PDE1C: variants seen among roughly 807,000 people sequenced by gnomAD.
The protein encoded by PDE1C is phosphodiesterase 1C.
In PDE1C, 62 loss-of-function variants were observed where a neutral mutation model predicts 93.1. The observed-to-expected ratio is 0.67, with a 90% CI of 0.54 to 0.82. PDE1C has a LOEUF of 0.82. PDE1C is among the 40% of genes least tolerant of loss of function. The pLI, the probability that PDE1C is intolerant of heterozygous loss-of-function variation, is 0.00. For missense variants in PDE1C, 742 were observed against 884.6 expected (o/e 0.84, Z 2.04); for synonymous variants, 325 against 310.1 (o/e 1.05, Z -0.50).
At chr7:32,054,881 G>C (rs1190610918) in intron 1 of PDE1C, among the ~76,000 whole-genome samples, 1 of 152,130 alleles carries the variant, frequency 6.6e-6, no homozygotes, top group Admixed American at 6.6e-5. Context: ...AGATTATTTT[G>C]AATGGGCAAG....
intron 1 of PDE1C, among the ~76,000 whole-genome samples, chr7:32,418,610 T>A (rs935932415): frequency 6.6e-6 from 1 of 152,202 alleles, no homozygotes; most frequent in African/African-American, 2.4e-5. Context: ...AGATTAAGAT[T>A]CACTTTTTCC....
chr7:31,877,030 T>G (rs1796686786), intron 5 of PDE1C, among the ~76,000 whole-genome samples: 1 of 152,158 alleles, frequency 6.6e-6, no homozygotes, highest in Non-Finnish European at 1.5e-5. Flanking sequence ...AATAGGTAAT[T>G]TAGCTTCTGA....
At chr7:31,893,362 G>T in intron 2 of PDE1C, 1 of 343,224 alleles carries the variant, frequency 2.9e-6, no homozygotes, top group Non-Finnish European at 4.1e-6. Context: ...GTAATTCATT[G>T]TCGTTTGTGG....
intron 1 of PDE1C, chr7:32,298,510 C>A (rs1002962781): frequency 9.6e-7 from 1 of 1,041,624 alleles, no homozygotes; most frequent in African/African-American, 1.6e-5. Context: ...TCGCCGCTCC[C>A]GGGGGCTCCC....
chr7:32,227,300 C>A (rs1399259155), intron 1 of PDE1C, among the ~76,000 whole-genome samples: 1 of 152,224 alleles, frequency 6.6e-6, no homozygotes, highest in African/African-American at 2.4e-5. Flanking sequence ...GAGAAGGGAA[C>A]ATCCTCAGGG....
At chr7:32,358,076 C>T (rs537039151) in intron 1 of PDE1C, among the ~76,000 whole-genome samples, 2 of 152,318 alleles carry the variant, frequency 1.3e-5, no homozygotes, top group African/African-American at 2.4e-5. Flanking sequence ...AGAAAGTGCC[C>T]GGCACTGCTC....
At chr7:32,233,392 T>C (rs1807844765) in intron 1 of PDE1C, among the ~76,000 whole-genome samples, 1 of 152,088 alleles carries the variant, frequency 6.6e-6, no homozygotes, top group African/African-American at 2.4e-5. Flanking sequence ...AGACAGAAAT[T>C]GTGAGACAGA....
chr7:31,890,442 A>C (rs1304194352), intron 2 of PDE1C, among the ~76,000 whole-genome samples: 1 of 152,212 alleles, frequency 6.6e-6, no homozygotes, highest in Non-Finnish European at 1.5e-5. Context: ...AGATTTAGGA[A>C]GGTTGCAACC....
chr7:31,663,552 A>G, the PDE1C span, among the ~76,000 whole-genome samples: 1 of 152,166 alleles, frequency 6.6e-6, no homozygotes, highest in South Asian at 2.1e-4. Flanking sequence ...ACTTTTTTCC[A>G]TAGTTGTTTT....
At chr7:32,385,577 A>G (rs2128091401) in intron 1 of PDE1C, among the ~76,000 whole-genome samples, 1 of 152,284 alleles carries the variant, frequency 6.6e-6, no homozygotes, top group African/African-American at 2.4e-5. Flanking sequence ...TAGGAAGCCC[A>G]TCCTGGGTTT....
intron 2 of PDE1C, among the ~76,000 whole-genome samples, chr7:32,199,406 C>T (rs780146380): frequency 6.6e-6 from 1 of 152,144 alleles, no homozygotes; most frequent in Non-Finnish European, 1.5e-5. Context: ...TCATTCTGAA[C>T]TCCTACTAAA....
chr7:31,887,197 T>C (rs1394913735), intron 2 of PDE1C, among the ~76,000 whole-genome samples: 1 of 152,128 alleles, frequency 6.6e-6, no homozygotes, highest in African/African-American at 2.4e-5. Flanking sequence ...GTGAGTTTAG[T>C]GGTAGTATGG....
chr7:31,706,587 G>T, the PDE1C span, among the ~76,000 whole-genome samples: 772 of 152,268 alleles, frequency 5.1e-3, 6 homozygotes, highest in African/African-American at 0.018. Context: ...TACTGACATT[G>T]AGAAATGGCA....
intron 1 of PDE1C, among the ~76,000 whole-genome samples, chr7:32,337,498 G>T (rs1236722224): frequency 6.6e-6 from 1 of 152,196 alleles, no homozygotes; most frequent in African/African-American, 2.4e-5. Flanking sequence ...GGGAAGATCT[G>T]CAAAGAGGGA....
chr7:31,686,648 C>T, the PDE1C span: 1 of 152,204 alleles, frequency 6.6e-6, no homozygotes, highest in Non-Finnish European at 1.5e-5. Context: ...TCTTGAGCCC[C>T]AGCTTCCTCA....
intron 17 of PDE1C, among the ~76,000 whole-genome samples, chr7:31,774,330 C>T (rs998525955): frequency 1.3e-5 from 2 of 152,036 alleles, no homozygotes; most frequent in African/African-American, 4.8e-5. Flanking sequence ...TACATTCAAA[C>T]CAAATGTAGA....
At chr7:31,692,768 G>A in the PDE1C span, among the ~76,000 whole-genome samples, 1 of 152,042 alleles carries the variant, frequency 6.6e-6, no homozygotes, top group South Asian at 2.1e-4. Flanking sequence ...AGAGAGAGAG[G>A]AAGCATCGTC....
chr7:32,014,262 T>C (rs973116417), intron 2 of PDE1C, among the ~76,000 whole-genome samples: 2 of 151,228 alleles, frequency 1.3e-5, no homozygotes, highest in African/African-American at 4.9e-5. Flanking sequence ...GTCAAGTCAG[T>C]AAGAAGATAG....
At chr7:31,957,779 G>T (rs914663671) in intron 2 of PDE1C, among the ~76,000 whole-genome samples, 3 of 152,128 alleles carry the variant, frequency 2.0e-5, no homozygotes, top group African/African-American at 7.2e-5. Context: ...GTGGAATGGG[G>T]TCGGGAGGGT....
Sources: gnomAD v4.1 joint callset for allele counts (sites outside exome capture counted in the v4.1 genomes callset) on GRCh38, gnomAD v4.1.1 for gene constraint, MANE v1.5 for transcripts, NCBI Gene and HGNC (gene_info 2026-07-23, HGNC 2026-07-21) for gene names.